CRHBP: variants seen among roughly 807,000 people sequenced by gnomAD.
The protein encoded by CRHBP is corticotropin-releasing hormone-binding protein.
A neutral mutation model predicts 34.9 loss-of-function variants in CRHBP; 19 were observed. The observed-to-expected ratio is 0.55, with a 90% confidence interval of 0.38 to 0.80. CRHBP has a LOEUF of 0.80. Ranked by LOEUF, CRHBP falls within the 30% of genes least tolerant of loss-of-function variation. CRHBP has a pLI of 0.00. For missense variants in CRHBP, 328 were observed against 409.2 expected, an observed-to-expected ratio of 0.80 and a Z score of 1.71; for synonymous variants, 154 against 153.4, an observed-to-expected ratio of 1.00 and a Z score of -0.03.
chr5:76,956,432 G>T (rs1432341389), intron 4 of CRHBP, among the ~76,000 whole-genome samples: 1 of 152,214 alleles, frequency 6.6e-6, no homozygotes, highest in African/African-American at 2.4e-5. Context: ...CAGGTCTAAA[G>T]CATATTATCT....
rs541282053 is a variant in CRHBP, at chr5:76,963,369, A to G, written c.720A>G (p.Ile240Met). 7.4e-6 allele frequency: 12 copies of G among 1,614,128 alleles called. No individual in the cohort carries two copies. In the East Asian group the frequency reaches 2.2e-4, roughly 30 times the overall value. Residue 240 changes from isoleucine (I) to methionine (M), a missense_variant, in exon 6 of 7, where the codon ATA (isoleucine) becomes ATG (methionine). Around this residue, in one of 3 missense-constraint regions of CRHBP, gnomAD observed 144 missense variants for 216.7 expected, o/e 0.66. Coordinates refer to ENST00000274368, the MANE Select transcript of CRHBP (RefSeq NM_001882.4). Reference sequence around the variant, plus strand: ...AATCCTCAGCAGGTTGCGAGGGAATAGGAGACTTTGTGGAGCTGCTGGGAG... The same window carrying G: ...AATCCTCAGCAGGTTGCGAGGGAATGGGAGACTTTGTGGAGCTGCTGGGAG... ...LKKSSAGCEGIGDFVELLGGT... is the reference protein window; with the variant it reads ...LKKSSAGCEGMGDFVELLGGT...
At chr5:76,972,334 T>C (rs148491372), downstream of CRHBP, among the ~76,000 whole-genome samples, 11 of 152,010 alleles carry the variant, frequency 7.2e-5, no homozygotes, top group Non-Finnish European at 1.5e-4. Context: ...ACCCTGTCTC[T>C]ACTAAAAACA....
At chr5:76,960,944 T>C (rs1745767732) in intron 5 of CRHBP, among the ~76,000 whole-genome samples, 1 of 152,016 alleles carries the variant, frequency 6.6e-6, no homozygotes, top group Admixed American at 6.6e-5. Context: ...TTTTTTTGTA[T>C]TTTTAGTAGA....
At chr5:76,976,458 C>G (rs574572304) in exon 3 of CRHBP, 2 of 152,162 alleles carry the variant, frequency 1.3e-5, no homozygotes, top group African/African-American at 4.8e-5. Context: ...AAGATCTAGA[C>G]CTATAAGTAT....
Position 76,953,186 on chromosome 5 carries a change from G to T in CRHBP, c.52G>T (p.Ala18Ser). The T allele has an allele frequency of 1.9e-6, 3 of 1,614,174 alleles. No individual in the cohort carries two copies. The South Asian group carries it at 3.3e-5, about 18-fold the overall frequency. Residue 18 changes from alanine (A) to serine (S), a missense_variant, in exon 1 of 7, where the codon GCT (alanine) becomes TCT (serine). Ala to Ser is a moderately conservative substitution (Grantham distance 99, BLOSUM62 1). Coordinates refer to ENST00000274368, the MANE Select transcript of CRHBP (RefSeq NM_001882.4). ...TCACTTCATTCTCATCTTCCTGACG[G>T]CTCTAAGAGGGGAAAGCCGGTACCT... is the stretch of plus-strand genomic sequence containing the variant. ...QCHFILIFLT[A>S]LRGESRYLEL...
intron 6 of CRHBP, among the ~76,000 whole-genome samples, chr5:76,967,965 G>C (rs1745883868): frequency 6.6e-6 from 1 of 152,052 alleles, no homozygotes; most frequent in Admixed American, 6.6e-5. Context: ...CCAAAGTGCT[G>C]GGATTACAGG....
chr5:76,955,895 G>C (rs753162880), intron 4 of CRHBP, 32 bp downstream of exon 4: 5 of 1,595,464 alleles, frequency 3.1e-6, no homozygotes, highest in Non-Finnish European at 4.3e-6. Context: ...GCAGAACTTC[G>C]GATATAGACC....
At chr5:76,977,011 T>C (rs1746043653) in intron 3 of CRHBP, among the ~76,000 whole-genome samples, 2 of 152,142 alleles carry the variant, frequency 1.3e-5, no homozygotes, top group Non-Finnish European at 2.9e-5. Flanking sequence ...TCCAGGCTTA[T>C]TAGCAGAGGC....
At chr5:76,970,350 T>A (rs541044656), downstream of CRHBP, among the ~76,000 whole-genome samples, 3 of 152,282 alleles carry the variant, frequency 2.0e-5, no homozygotes, top group African/African-American at 7.2e-5. Context: ...ATATTTAATA[T>A]GATTGGCATA....
chr5:76,953,729 G>A, intron 2 of CRHBP, 35 bp downstream of exon 2: 2 of 1,569,238 alleles, frequency 1.3e-6, no homozygotes, highest in Non-Finnish European at 1.7e-6. Context: ...GGGCGCCCGG[G>A]ACGCGGGGAA....
chr5:76,955,200 A>C (rs994241845), intron 3 of CRHBP, among the ~76,000 whole-genome samples: 3 of 152,232 alleles, frequency 2.0e-5, no homozygotes, highest in Admixed American at 6.5e-5. Context: ...ATTAGCAGGT[A>C]AAGTTGCTGC....
At position 76,953,916 on chromosome 5, in the gene CRHBP, G is replaced by A. The variant is rs558316134; in HGVS notation, c.176-113G>A. ...CCAGCGCAGCCTAGGCTGGAAGTCG[G>A]GGCGCTGGGCACTACAGAGCCCGGG... On this transcript the variant is annotated intron_variant, in intron 2 of 6. Coordinates refer to ENST00000274368, the MANE Select transcript of CRHBP (RefSeq NM_001882.4). The A allele has an allele frequency of 1.2e-5, 16 of 1,343,978 alleles. No individual in the cohort carries two copies. The African/African-American group carries it at 1.8e-4, about 15-fold the overall frequency. 83.3% of individuals were successfully genotyped at this position (1,343,978 alleles called of 1,614,324 possible).
At chr5:76,965,482 G>A (rs1437793815) in intron 6 of CRHBP, among the ~76,000 whole-genome samples, 1 of 152,168 alleles carries the variant, frequency 6.6e-6, no homozygotes, top group East Asian at 1.9e-4. Flanking sequence ...AGTGCATGCG[G>A]CTTCTTTAGC....
rs563228859 is a variant in CRHBP, at chr5:76,968,828, C to T, written c.912C>T (p.Tyr304=). 177 of 1,614,122 alleles carry T rather than the reference C, an allele frequency of 1.1e-4. 2 individuals are homozygous for T. The South Asian group carries it at 1.2e-3, about 11-fold the overall frequency. Residue 304 remains tyrosine, a synonymous_variant, in exon 7 of 7, where the codon TAC becomes TAT. Transcript: ENST00000274368. ...VTFEYRQLEP[Y]ELENPNGNSI... is the part of the protein sequence containing the mutation. ...TTGAGTATCGTCAGCTGGAGCCGTACGAGCTGGAAAACCCAAATGGAAACA... is the reference window on the plus strand; with the variant it reads ...TTGAGTATCGTCAGCTGGAGCCGTATGAGCTGGAAAACCCAAATGGAAACA...
chr5:76,961,879 G>A (rs184876044), intron 5 of CRHBP, among the ~76,000 whole-genome samples: 106 of 152,096 alleles, frequency 7.0e-4, no homozygotes, highest in African/African-American at 2.3e-3. Context: ...TCAGCTTCCC[G>A]AGTAGCTGGG....
rs1038241887 is a variant in CRHBP, at chr5:76,953,920, G to C, written c.176-109G>C. ...CGCAGCCTAGGCTGGAAGTCGGGGC[G>C]CTGGGCACTACAGAGCCCGGGAATG... On this transcript the variant is annotated intron_variant, in intron 2 of 6. Transcript: ENST00000274368. The C allele has an allele frequency of 4.4e-6, 6 of 1,358,156 alleles. No homozygotes were observed. In the African/African-American group the frequency reaches 8.9e-5, roughly 20 times the overall value. The allele number at this position is 1,358,156 out of a possible 1,614,324, so 84.1% of individuals were successfully genotyped here.
intron 6 of CRHBP, among the ~76,000 whole-genome samples, chr5:76,968,057 G>GA (rs2150709454): frequency 6.6e-6 from 1 of 152,078 alleles, no homozygotes; most frequent in African/African-American, 2.4e-5. Context: ...AAATAGTACA[G>GA]AAAAAATCAG....
In CRHBP at chr5:76,969,013, GCGCA is replaced by G; in HGVS notation, c.*130_*133del. The G allele has an allele frequency of 2.0e-6, 2 of 1,003,498 alleles. No individual in the cohort carries two copies. Among genetic ancestry groups the G allele is most frequent in the Non-Finnish European group, 1.5e-6 (1 of 686,730 alleles). The allele number at this position is 1,003,498 out of a possible 1,614,324, so 62.2% of individuals were successfully genotyped here. On this transcript the variant is annotated 3_prime_UTR_variant, in exon 7 of 7. Coordinates refer to ENST00000274368, the MANE Select transcript of CRHBP (RefSeq NM_001882.4). ...AGTATTCCCAGCCTTGAGCGCACGC[GCGCA>G]CACACACACACACATACACACACGC...
At chr5:76,973,140 A>G (rs1402443942), downstream of CRHBP, among the ~76,000 whole-genome samples, 3 of 152,232 alleles carry the variant, frequency 2.0e-5, no homozygotes, top group Non-Finnish European at 4.4e-5. Context: ...TTGTTAAGCC[A>G]CTGAGATAAA....
Sources: gnomAD v4.1 joint callset for allele counts (sites outside exome capture counted in the v4.1 genomes callset) on GRCh38, gnomAD v4.1.1 for gene constraint, gnomAD v4.1.1 regional missense constraint, MANE v1.5 for transcripts, NCBI Gene and HGNC (gene_info 2026-07-23, HGNC 2026-07-21) for gene names.